Variants in ENTREP2 observed in about 807,000 individuals in gnomAD.
The protein encoded by ENTREP2 is endosomal transmembrane epsin interactor 2, also known as protein ENTREP2.
chr15:29,242,759 A>G, the ENTREP2 span, among the ~76,000 whole-genome samples: 1 of 152,118 alleles, frequency 6.6e-6, no homozygotes. Flanking sequence ...GGGCTTGGAG[A>G]AAAAGAGACA....
At chr15:29,547,411 T>C in the ENTREP2 span, among the ~76,000 whole-genome samples, 2 of 152,086 alleles carry the variant, frequency 1.3e-5, no homozygotes, top group Non-Finnish European at 2.9e-5. Flanking sequence ...TTTTTAAAAA[T>C]GAGTAAAAGA....
the ENTREP2 span, among the ~76,000 whole-genome samples, chr15:29,439,797 A>C: frequency 6.6e-6 from 1 of 152,184 alleles, no homozygotes; most frequent in Non-Finnish European, 1.5e-5. Flanking sequence ...GGCTGAACTT[A>C]GTGACTGGCT....
At chr15:29,451,739 A>G in the ENTREP2 span, among the ~76,000 whole-genome samples, 1 of 152,002 alleles carries the variant, frequency 6.6e-6, no homozygotes, top group Non-Finnish European at 1.5e-5. Context: ...CACCACTCCT[A>G]TCACAGCCAC....
chr15:29,343,556 TA>T, the ENTREP2 span, among the ~76,000 whole-genome samples: 563 of 144,432 alleles, frequency 3.9e-3, 4 homozygotes, highest in African/African-American at 0.013. Context: ...TCCATTCCTT[TA>T]AAAAAAAAAC....
At chr15:29,466,831 T>C in the ENTREP2 span, among the ~76,000 whole-genome samples, 4,065 of 110,526 alleles carry the variant, frequency 0.037, 179 homozygotes, top group South Asian at 0.075. Flanking sequence ...CAGGGGAGGA[T>C]GCTGCAGCCC....
chr15:29,598,618 C>T, the ENTREP2 span, among the ~76,000 whole-genome samples: 2 of 152,196 alleles, frequency 1.3e-5, no homozygotes, highest in African/African-American at 4.8e-5. Context: ...CAAACTAAAA[C>T]TACTAAATGT....
chr15:29,327,511 C>T, the ENTREP2 span, among the ~76,000 whole-genome samples: 4,511 of 150,542 alleles, frequency 0.03, 218 homozygotes, highest in African/African-American at 0.11. Context: ...AGGAGAATGG[C>T]GTGAACCCGG....
the ENTREP2 span, among the ~76,000 whole-genome samples, chr15:29,256,981 C>G: frequency 6.6e-6 from 1 of 151,790 alleles, no homozygotes; most frequent in African/African-American, 2.4e-5. Flanking sequence ...CACAAATAAC[C>G]CTATTCCCTT....
chr15:29,174,695 AACAAAACAAAACAAC>A, the ENTREP2 span, among the ~76,000 whole-genome samples: 1 of 144,172 alleles, frequency 6.9e-6, no homozygotes, highest in African/African-American at 2.9e-5. Context: ...AACTAAACAA[AACAAAACAAAACAAC>A]AAAAAAAAAA....
the ENTREP2 span, chr15:29,123,544 G>T: frequency 1.3e-6 from 2 of 1,551,678 alleles, no homozygotes; most frequent in African/African-American, 1.4e-5. Context: ...CTCTTTGGAG[G>T]TCGCTGGGAA....
chr15:29,653,902 T>C, the ENTREP2 span, among the ~76,000 whole-genome samples: 135 of 152,314 alleles, frequency 8.9e-4, no homozygotes, highest in East Asian at 2.7e-3. Flanking sequence ...AGAATCTGGA[T>C]TTTTAAATGC....
the ENTREP2 span, among the ~76,000 whole-genome samples, chr15:29,422,397 G>T: frequency 6.6e-6 from 1 of 152,196 alleles, no homozygotes; most frequent in East Asian, 1.9e-4. Context: ...CTGCCTCTCC[G>T]GGGGCTCAGC....
the ENTREP2 span, among the ~76,000 whole-genome samples, chr15:29,194,341 C>T: frequency 6.6e-6 from 1 of 152,216 alleles, no homozygotes; most frequent in Admixed American, 6.5e-5. Context: ...ACTGCTGCCA[C>T]TTCCAGACCA....
chr15:29,486,472 C>G, the ENTREP2 span, among the ~76,000 whole-genome samples: 2 of 152,168 alleles, frequency 1.3e-5, no homozygotes, highest in African/African-American at 2.4e-5. Context: ...GGGCAGATCA[C>G]TTGAGGTCAG....
chr15:29,545,712 T>C, the ENTREP2 span, among the ~76,000 whole-genome samples: 1 of 152,236 alleles, frequency 6.6e-6, no homozygotes, highest in African/African-American at 2.4e-5. Flanking sequence ...CCCTTGTCTC[T>C]CACTTTTCAT....
At chr15:29,587,410 C>T in the ENTREP2 span, among the ~76,000 whole-genome samples, 1 of 152,004 alleles carries the variant, frequency 6.6e-6, no homozygotes, top group African/African-American at 2.4e-5. Context: ...TTTAGATGTT[C>T]TTATTTGCTA....
chr15:29,336,998 G>A, the ENTREP2 span, among the ~76,000 whole-genome samples: 2 of 152,178 alleles, frequency 1.3e-5, no homozygotes, highest in African/African-American at 4.8e-5. Context: ...CCCAGATCCC[G>A]TGCAAAATGG....
the ENTREP2 span, among the ~76,000 whole-genome samples, chr15:29,387,034 T>A: frequency 2.0e-5 from 3 of 152,182 alleles, no homozygotes; most frequent in Non-Finnish European, 2.9e-5. Context: ...TCCAACACTA[T>A]GTTGAATAGG....
chr15:29,658,117 C>T, the ENTREP2 span, among the ~76,000 whole-genome samples: 2 of 152,172 alleles, frequency 1.3e-5, no homozygotes, highest in African/African-American at 4.8e-5. Flanking sequence ...TTCCATAATC[C>T]CCACATGTCT....
Sources: gnomAD v4.1 joint callset for allele counts (sites outside exome capture counted in the v4.1 genomes callset) on GRCh38, gnomAD v4.1.1 for gene constraint, MANE v1.5 for transcripts, NCBI Gene and HGNC (gene_info 2026-07-23, HGNC 2026-07-21) for gene names.